LPP: variants seen among roughly 807,000 people sequenced by gnomAD.
LPP encodes the protein LIM domain containing preferred translocation partner in lipoma, also known as lipoma-preferred partner.
Under a neutral mutation model 60.4 loss-of-function variants are expected in LPP, and 38 were observed. The ratio of observed to expected loss-of-function variants is 0.63; its 90% confidence interval spans 0.49 to 0.83. The LOEUF is 0.83. LPP is among the 40% of genes least tolerant of loss of function. The pLI, the probability that LPP is intolerant of heterozygous loss-of-function variation, is 0.00. For missense variants in LPP, 902 were observed against 783.6 expected (o/e 1.15, Z -1.80); for synonymous variants, 328 against 290.8 (o/e 1.13, Z -1.30).
rs961862236 is a variant in LPP at position 188,881,996 on chromosome 3, T to C, written c.*7517T>C. ...AGGAGTCCATATTTTTCTTTTCTTT[T>C]TGTTCTCCCAACATCCTTATCTCTT... On this transcript the variant is annotated 3_prime_UTR_variant, in exon 12 of 12. Transcript: ENST00000617246. 2 of 214,214 alleles carry C rather than the reference T, an allele frequency of 9.3e-6. No individual in the cohort carries two copies. The highest frequency in any genetic ancestry group is 1.9e-5 in the Non-Finnish European group (2 of 106,082). The allele number at this position is 214,214 out of a possible 1,614,324, so 13.3% of individuals were successfully genotyped here.
intron 5 of LPP, among the ~76,000 whole-genome samples, chr3:188,511,229 T>C (rs1483887894): frequency 1.2e-5 from 1 of 85,764 alleles, no homozygotes; most frequent in Admixed American, 1.5e-4. Context: ...CCTTCCTCCC[T>C]TCCTCCCTCC....
intron 6 of LPP, among the ~76,000 whole-genome samples, chr3:188,599,293 T>C (rs1840598816): frequency 1.3e-5 from 2 of 152,140 alleles, no homozygotes; most frequent in African/African-American, 2.4e-5. Flanking sequence ...ATATTGGATT[T>C]CTTAGTTTTA....
rs1294422470 is a variant in LPP, at chr3:188,884,596, T to C, written c.*10117T>C. 4.3e-6 allele frequency: 1 copy of C among 230,382 alleles called. No individual in the cohort carries two copies. Among genetic ancestry groups the C allele is most frequent in the Non-Finnish European group, 8.6e-6 (1 of 116,328 alleles). 14.3% of individuals were successfully genotyped at this position (230,382 alleles called of 1,614,324 possible). A position where few individuals can be genotyped will look rare whatever the true frequency, so the allele number is the denominator to read the frequency against. On this transcript the variant is annotated 3_prime_UTR_variant, in exon 12 of 12. Coordinates refer to ENST00000617246, the MANE Select transcript of LPP (RefSeq NM_001375462.1). ...AATAAATTTCCCCAGAGAGAGTTCC[T>C]TTACATTCCATTCACCAAAAACCTC...
At position 188,352,477 on chromosome 3, in the gene LPP, G is replaced by A. The variant is rs895864390; in HGVS notation, c.-10+10758G>A. ...GTGCCTCTTCGGGAGCTGTGTGACT[G>A]GCGAGCCCTCAGTTGCCACTTGGAA... On this transcript the variant is annotated intron_variant, in intron 3 of 11. Coordinates refer to ENST00000617246, the MANE Select transcript of LPP (RefSeq NM_001375462.1). The surrounding 1 kb of genome is among the most constrained non-coding windows in gnomAD (Gnocchi z 4.4). Among the ~76,000 whole-genome samples, 3 of 152,338 alleles carry A rather than the reference G, an allele frequency of 2.0e-5. No homozygotes were observed. Among genetic ancestry groups the A allele is most frequent in the East Asian group, 1.9e-4 (1 of 5,180 alleles).
chr3:188,286,244 T>C (rs1743877324), intron 2 of LPP, among the ~76,000 whole-genome samples: 1 of 152,210 alleles, frequency 6.6e-6, no homozygotes, highest in African/African-American at 2.4e-5. Context: ...GGGAGAAGTC[T>C]CTGACACAAG....
At chr3:188,632,702 G>A (rs924600999) in intron 7 of LPP, among the ~76,000 whole-genome samples, 2 of 152,150 alleles carry the variant, frequency 1.3e-5, no homozygotes, top group South Asian at 2.1e-4. Flanking sequence ...AAGGGCTTAC[G>A]TTAACTGTTT....
chr3:188,635,887 G>A (rs1456373407), intron 7 of LPP, among the ~76,000 whole-genome samples: 1 of 152,286 alleles, frequency 6.6e-6, no homozygotes, highest in East Asian at 1.9e-4. Flanking sequence ...TCAGATTACT[G>A]GAAAAAGGAC....
At position 188,760,326 on chromosome 3, in the gene LPP, T is replaced by C. The variant is rs769523296; in HGVS notation, c.1410+44T>C. The C allele has an allele frequency of 5.0e-6, 8 of 1,604,690 alleles. No individual in the cohort carries two copies. The South Asian group carries it at 8.8e-5, about 18-fold the overall frequency. The stretch of plus-strand genomic sequence containing the variant: ...CCTCAAGCACTTTGCAAAGATGTCT[T>C]CTGTGGCTGAATGCCAGTCACTCTA... On this transcript the variant is annotated intron_variant, in intron 9 of 11. Transcript: ENST00000617246.
At chr3:188,183,881 T>G (rs1486481268) in intron 1 of LPP, among the ~76,000 whole-genome samples, 2 of 152,150 alleles carry the variant, frequency 1.3e-5, no homozygotes, top group African/African-American at 4.8e-5. Flanking sequence ...GGATATGTGC[T>G]TATACCTTCT....
At chr3:188,848,465 G>A (rs572095627) in intron 9 of LPP, among the ~76,000 whole-genome samples, 2 of 150,766 alleles carry the variant, frequency 1.3e-5, no homozygotes, top group Non-Finnish European at 3.0e-5. Context: ...TGATGGGCCA[G>A]TCAATAGCAG....
intron 1 of LPP, among the ~76,000 whole-genome samples, chr3:188,198,217 G>C (rs1308343557): frequency 6.6e-6 from 1 of 152,206 alleles, no homozygotes; most frequent in East Asian, 1.9e-4. Flanking sequence ...AAGGAGCTTA[G>C]ATAAGTTGCC....
intron 4 of LPP, among the ~76,000 whole-genome samples, chr3:188,460,629 T>G (rs1165426539): frequency 6.8e-6 from 1 of 147,264 alleles, no homozygotes; most frequent in Non-Finnish European, 1.5e-5. Flanking sequence ...ACCATTTTCT[T>G]TGTTTCTGAA....
At chr3:188,849,332 TAAAG>T (rs758289572) in intron 9 of LPP, among the ~76,000 whole-genome samples, 1 of 150,828 alleles carries the variant, frequency 6.6e-6, no homozygotes, top group Non-Finnish European at 1.5e-5. Flanking sequence ...TTGGAGGTTC[TAAAG>T]AAAGAAAGGA....
intron 4 of LPP, among the ~76,000 whole-genome samples, chr3:188,473,671 A>G (rs1475842807): frequency 6.6e-6 from 1 of 152,208 alleles, no homozygotes; most frequent in African/African-American, 2.4e-5. Context: ...AATTCTGTCT[A>G]TGACATGTAT....
chr3:188,238,889 T>A (rs546843918), intron 2 of LPP, among the ~76,000 whole-genome samples: 1 of 152,306 alleles, frequency 6.6e-6, no homozygotes, highest in African/African-American at 2.4e-5. Context: ...AATCTTCTAT[T>A]TGTAAAAAAC....
intron 9 of LPP, among the ~76,000 whole-genome samples, chr3:188,823,345 T>C (rs991803487): frequency 6.6e-6 from 1 of 152,122 alleles, no homozygotes; most frequent in African/African-American, 2.4e-5. Flanking sequence ...TGTTTAAACA[T>C]TGTGTCCATT....
At chr3:188,403,975 G>T (rs185826988) in intron 3 of LPP, among the ~76,000 whole-genome samples, 1 of 152,138 alleles carries the variant, frequency 6.6e-6, no homozygotes, top group Non-Finnish European at 1.5e-5. Flanking sequence ...AGAGTGAAAA[G>T]CCAGTACCAT....
At chr3:188,503,393 T>C (rs552695627) in intron 5 of LPP, among the ~76,000 whole-genome samples, 63 of 152,276 alleles carry the variant, frequency 4.1e-4, no homozygotes, top group Middle Eastern at 6.8e-3. Flanking sequence ...TAATATGAGA[T>C]TTTAAATTTG....
At chr3:188,303,415 C>A (rs1190691183) in intron 2 of LPP, among the ~76,000 whole-genome samples, 1 of 152,000 alleles carries the variant, frequency 6.6e-6, no homozygotes, top group Non-Finnish European at 1.5e-5. Flanking sequence ...GGATAGGTGA[C>A]CAGTAAATAT....
Sources: gnomAD v4.1 joint callset for allele counts (sites outside exome capture counted in the v4.1 genomes callset) on GRCh38, gnomAD v4.1.1 for gene constraint, Gnocchi (gnomAD v3.1) non-coding constraint, MANE v1.5 for transcripts, NCBI Gene and HGNC (gene_info 2026-07-23, HGNC 2026-07-21) for gene names.